The following MTMR10 variants were observed in gnomAD, a reference collection of about 807,000 sequenced individuals.
MTMR10 encodes the protein myotubularin related protein 10, also known as myotubularin-related protein 10.
A neutral mutation model predicts 88.1 loss-of-function variants in MTMR10; 56 were observed. The ratio of observed to expected loss-of-function variants is 0.64; its 90% CI spans 0.51 to 0.79. MTMR10 has a LOEUF of 0.79. Ranked by LOEUF, MTMR10 falls within the 30% of genes least tolerant of loss-of-function variation. The probability of loss-of-function intolerance (pLI) is 0.00; values close to 1 mark genes in which losing one functional copy is unlikely to be tolerated. For synonymous variants in MTMR10, 380 were observed against 340.9 expected, an observed-to-expected ratio of 1.11 and a Z score of -1.26; for missense variants, 883 against 924.7, an observed-to-expected ratio of 0.95 and a Z score of 0.58.
intron 14 of MTMR10, chr15:30,946,580 T>C (rs11637469): frequency 0.28 from 166,354 of 600,316 alleles, 25,595 homozygotes; most frequent in Non-Finnish European, 0.33. Flanking sequence ...TTTCTGTTTC[T>C]CTCAATGGTC....
At chr15:30,957,103 T>G (rs1291679710) in intron 9 of MTMR10, among the ~76,000 whole-genome samples, 1 of 152,230 alleles carries the variant, frequency 6.6e-6, no homozygotes. Context: ...CAAAAAGGAC[T>G]GTGATACACA....
intron 10 of MTMR10, among the ~76,000 whole-genome samples, chr15:30,954,004 T>C (rs2063286632): frequency 1.3e-5 from 2 of 152,208 alleles, no homozygotes; most frequent in South Asian, 4.1e-4. Context: ...ACTGCAAGCC[T>C]TGCCCTCCTG....
chr15:30,953,880 A>T (rs1336238060), intron 10 of MTMR10, among the ~76,000 whole-genome samples: 1 of 152,160 alleles, frequency 6.6e-6, no homozygotes, highest in African/African-American at 2.4e-5. Flanking sequence ...GAGTCCAACC[A>T]ACTCTGACTC....
At position 30,963,926 on chromosome 15, in the gene MTMR10, GACT is replaced by G. The variant is rs1051330636; in HGVS notation, c.566-2856_566-2854del. Among the ~76,000 whole-genome samples the G allele has an allele frequency of 4.0e-5, 6 of 151,826 alleles. 1 individual carries two copies. The highest frequency in any genetic ancestry group is 8.8e-5 in the Non-Finnish European group (6 of 67,998). ...AGAAAATCTAAGTAATTCATCATAT[GACT>G]ACATTAAACACGAAAAAGGCTATAT... On this transcript the variant is annotated intron_variant, in intron 6 of 15. Coordinates refer to ENST00000435680, the MANE Select transcript of MTMR10 (RefSeq NM_017762.3).
At chr15:30,962,569 T>G (rs1374613679) in intron 6 of MTMR10, among the ~76,000 whole-genome samples, 1 of 151,724 alleles carries the variant, frequency 6.6e-6, no homozygotes, top group African/African-American at 2.4e-5. Context: ...GACCTTCATT[T>G]CCCATTCTCC....
downstream of MTMR10, among the ~76,000 whole-genome samples, chr15:30,938,675 CCTT>C (rs1300304091): frequency 2.6e-5 from 4 of 152,202 alleles, no homozygotes; most frequent in South Asian, 6.2e-4. Context: ...TTCTTTGAAG[CCTT>C]CTTGGGGGAA....
At chr15:30,958,989 A>AAC in intron 8 of MTMR10, 38 bp from the exon 9 acceptor site, 1 of 1,613,614 alleles carries the variant, frequency 6.2e-7, no homozygotes, top group Non-Finnish European at 8.5e-7. Flanking sequence ...ACTGTGTAGA[A>AAC]ACAATGGACG....
chr15:30,926,198 G>A, the MTMR10 span, among the ~76,000 whole-genome samples: 2 of 152,218 alleles, frequency 1.3e-5, no homozygotes, highest in Non-Finnish European at 2.9e-5. Flanking sequence ...TACTGCACAA[G>A]CCTTTGTACA....
chr15:30,974,603 T>C, intron 4 of MTMR10, 147 bp from the exon 5 acceptor site: 1 of 831,170 alleles, frequency 1.2e-6, no homozygotes, highest in Non-Finnish European at 1.7e-6. Flanking sequence ...TTGTAATTCC[T>C]AGAACTTGGG....
intron 2 of MTMR10, among the ~76,000 whole-genome samples, chr15:30,984,304 A>G (rs1452183975): frequency 1.3e-5 from 2 of 152,202 alleles, no homozygotes; most frequent in Non-Finnish European, 2.9e-5. Context: ...AGGAATGGAC[A>G]GCTCCAAACA....
intron 11 of MTMR10, 67 bp downstream of exon 11, chr15:30,953,495 C>T (rs918811521): frequency 3.5e-5 from 43 of 1,227,420 alleles, no homozygotes; most frequent in Non-Finnish European, 1.0e-5. Context: ...TATTTTTGTA[C>T]CTCCAGTGAG....
chr15:30,965,737 T>C, intron 6 of MTMR10: 1 of 265,214 alleles, frequency 3.8e-6, no homozygotes, highest in Non-Finnish European at 7.6e-6. Context: ...CTTTCAGAGA[T>C]GGCTTTTCCT....
intron 5 of MTMR10, among the ~76,000 whole-genome samples, chr15:30,969,505 T>C (rs961298637): frequency 6.6e-6 from 1 of 152,112 alleles, no homozygotes; most frequent in Non-Finnish European, 1.5e-5. Flanking sequence ...ATGTTGCACT[T>C]TTCTCTAGAC....
chr15:30,961,020 C>A lies in MTMR10; in HGVS notation c.619G>T (p.Gly207Cys). Reference sequence around the variant, plus strand: ...CTGCTGCCACCACCAGCTCCATTACCTCCTCCTCCTCCTCCTCCTCCATCT... The same window carrying A: ...CTGCTGCCACCACCAGCTCCATTACATCCTCCTCCTCCTCCTCCTCCATCT... ...SGDGGGGGGG[G>C]NGAGGGSSQK... Residue 207 changes from glycine (G) to cysteine (C), a missense_variant, in exon 7 of 16, where the codon GGT becomes TGT. Physicochemically the swap from Gly to Cys is radical, Grantham distance 159. Transcript: ENST00000435680. The A allele has an allele frequency of 7.2e-7, 1 of 1,383,506 alleles. No homozygotes were observed. Among genetic ancestry groups the A allele is most frequent in the South Asian group, 1.5e-5 (1 of 66,852 alleles). The allele number at this position is 1,383,506 out of a possible 1,614,324, so 85.7% of individuals were successfully genotyped here.
rs759046810 is a variant in MTMR10, at chr15:30,941,467, A to AT, written c.*2dup. 2 of 1,600,646 alleles carry AT rather than the reference A, an allele frequency of 1.2e-6. No individual in the cohort carries two copies. Among genetic ancestry groups the AT allele is most frequent in the Non-Finnish European group, 1.7e-6 (2 of 1,173,038 alleles). ...CCTCAAAATGTTCAGAAAACACCCT[A>AT]TTTTAGTCTTCATTTGCTAATGTCT... is the stretch of plus-strand genomic sequence containing the variant. On this transcript the variant is annotated 3_prime_UTR_variant, in exon 16 of 16. Coordinates refer to ENST00000435680, the MANE Select transcript of MTMR10 (RefSeq NM_017762.3).
the MTMR10 span, chr15:30,926,996 T>C: frequency 1.0e-6 from 1 of 985,322 alleles, no homozygotes. Flanking sequence ...ATAACACAAA[T>C]GCACAGCATG....
the MTMR10 span, chr15:30,928,730 G>T: frequency 6.2e-7 from 1 of 1,604,186 alleles, no homozygotes; most frequent in African/African-American, 1.3e-5. Context: ...TGGGCACCGT[G>T]TGTCCACAGC....
At chr15:30,957,754 C>G (rs554062566) in intron 9 of MTMR10, among the ~76,000 whole-genome samples, 1 of 152,008 alleles carries the variant, frequency 6.6e-6, no homozygotes, top group South Asian at 2.1e-4. Flanking sequence ...GGAGAGTGTT[C>G]CCAGATGAGT....
the MTMR10 span, chr15:30,922,102 G>A: frequency 2.6e-6 from 3 of 1,157,714 alleles, no homozygotes; most frequent in Non-Finnish European, 3.7e-6. Flanking sequence ...GTCAGTTCGG[G>A]GTCCTTGGCC....
Sources: allele counts gnomAD v4.1 joint callset (sites outside exome capture counted in the v4.1 genomes callset), GRCh38; gene constraint gnomAD v4.1.1; transcripts MANE v1.5; gene names NCBI Gene and HGNC (gene_info 2026-07-23, HGNC 2026-07-21).